The following EPS15 variants were observed in gnomAD, a reference collection of about 807,000 sequenced individuals.
EPS15 encodes epidermal growth factor receptor pathway substrate 15, also known as epidermal growth factor receptor substrate 15.
A neutral mutation model predicts 113.8 loss-of-function variants in EPS15; 72 were observed. That is an observed-to-expected ratio of 0.63 (90% CI 0.52 to 0.77). The LOEUF is 0.77. Among genes scored for constraint, EPS15 ranks in the 30% least tolerant of loss-of-function variants. The pLI, the probability that EPS15 is intolerant of heterozygous loss-of-function variation, is 0.00. For missense variants in EPS15, 1,048 were observed against 1,045.8 expected (o/e 1.00, Z -0.03); for synonymous variants, 344 against 363.4 (o/e 0.95, Z 0.61).
intron 22 of EPS15, among the ~76,000 whole-genome samples, chr1:51,365,100 G>A (rs926674248): frequency 2.6e-5 from 4 of 152,128 alleles, no homozygotes; most frequent in Admixed American, 1.3e-4. Flanking sequence ...TCAAAGTGCT[G>A]GGATAACAGG....
At chr1:51,499,047 G>A (rs1644371894) in intron 1 of EPS15, among the ~76,000 whole-genome samples, 1 of 152,156 alleles carries the variant, frequency 6.6e-6, no homozygotes, top group Admixed American at 6.5e-5. Context: ...TCTACCATAT[G>A]AGGATGCAGC....
chr1:51,431,085 A>G (rs543670025), intron 12 of EPS15, among the ~76,000 whole-genome samples: 174 of 152,212 alleles, frequency 1.1e-3, no homozygotes, highest in African/African-American at 4.0e-3. Flanking sequence ...CATTCTTTCA[A>G]CAAATATTTA....
chr1:51,406,017 C>G lies in EPS15; in HGVS notation c.1565G>C (p.Gly522Ala). 6.2e-7 allele frequency: 1 copy of G among 1,614,122 alleles called. No individual in the cohort carries two copies. The highest frequency in any genetic ancestry group is 8.5e-7 in the Non-Finnish European group (1 of 1,179,996). Residue 522 changes from glycine (G) to alanine (A), a missense_variant, in exon 16 of 25, where the codon GGA becomes GCA. Coordinates refer to ENST00000371733, the MANE Select transcript of EPS15 (RefSeq NM_001981.3). ...CSSPHSILVNGATDYCSLSTS... is the reference protein window; with the variant it reads ...CSSPHSILVNAATDYCSLSTS... The stretch of plus-strand genomic sequence containing the variant: ...GCTGAGGCTGCAATAATCTGTAGCT[C>G]CGTTTACAAGAATGCTGTGTGGGCT...
chr1:51,356,966 G>T, intron 24 of EPS15, 120 bp from the exon 25 acceptor site: 12 of 731,244 alleles, frequency 1.6e-5, no homozygotes, highest in East Asian at 5.8e-5. Flanking sequence ...CTGGTTACTT[G>T]TTAATTCTTT....
intron 1 of EPS15, among the ~76,000 whole-genome samples, chr1:51,504,226 G>T (rs1306250117): frequency 6.6e-6 from 1 of 152,098 alleles, no homozygotes; most frequent in Non-Finnish European, 1.5e-5. Flanking sequence ...GGGCAACATG[G>T]TGAAACCCCA....
chr1:51,406,241 T>G (rs566818726), intron 15 of EPS15, 133 bp from the exon 16 acceptor site: 1 of 719,592 alleles, frequency 1.4e-6, no homozygotes, highest in Admixed American at 2.6e-5. Context: ...TTTGGGAAAC[T>G]GAGGCAGGAG....
At chr1:51,388,371 A>C (rs2148395896) in intron 21 of EPS15, among the ~76,000 whole-genome samples, 1 of 152,368 alleles carries the variant, frequency 6.6e-6, no homozygotes, top group Non-Finnish European at 1.5e-5. Flanking sequence ...CAAAGCAGGA[A>C]AGATCCAAAA....
chr1:51,429,150 G>A (rs781168674), intron 12 of EPS15, among the ~76,000 whole-genome samples: 6 of 152,184 alleles, frequency 3.9e-5, no homozygotes, highest in Admixed American at 6.5e-5. Flanking sequence ...GATTACAGGC[G>A]TGAGCCACCA....
At chr1:51,517,787 TAG>T (rs1268235117) in intron 1 of EPS15, among the ~76,000 whole-genome samples, 2 of 152,068 alleles carry the variant, frequency 1.3e-5, no homozygotes, top group Non-Finnish European at 2.9e-5. Context: ...AACTGGGAAA[TAG>T]ACTTTCCTTA....
rs1026802231 is a variant in EPS15, at chr1:51,354,303, T to A, written c.*2397A>T. 5.6e-6 allele frequency: 1 copy of A among 178,318 alleles called. No individual in the cohort carries two copies. The highest frequency in any genetic ancestry group is 2.4e-5 in the African/African-American group (1 of 42,272). The allele number at this position is 178,318 out of a possible 1,614,324, so 11.0% of individuals were successfully genotyped here. A position where few individuals can be genotyped will look rare whatever the true frequency, so the allele number is the denominator to read the frequency against. On this transcript the variant is annotated 3_prime_UTR_variant, in exon 25 of 25. Transcript: ENST00000371733. ...ATTATTTATTCTATACCAGGTGCTG[T>A]CCCAAACCCTTTACATATATTAATC...
intron 21 of EPS15, among the ~76,000 whole-genome samples, chr1:51,377,330 T>C (rs1389787528): frequency 1.3e-5 from 2 of 152,138 alleles, no homozygotes; most frequent in African/African-American, 4.8e-5. Context: ...GTAAGAGGAC[T>C]TTGAAAGAAG....
At chr1:51,454,473 TG>T (rs1214990544) in intron 8 of EPS15, among the ~76,000 whole-genome samples, 3 of 152,228 alleles carry the variant, frequency 2.0e-5, no homozygotes, top group Non-Finnish European at 4.4e-5. Flanking sequence ...TGATGTCACA[TG>T]GATATCATGT....
chr1:51,435,473 T>A (rs1321402984), intron 12 of EPS15, among the ~76,000 whole-genome samples: 1 of 152,124 alleles, frequency 6.6e-6, no homozygotes, highest in East Asian at 1.9e-4. Context: ...GGATTACAGG[T>A]GTGAGCCACT....
At position 51,402,416 on chromosome 1, in the gene EPS15, T is replaced by TA. The variant is rs761008866; in HGVS notation, c.1882+18dup. 1.2e-4 allele frequency: 167 copies of TA among 1,338,606 alleles called. No individual in the cohort carries two copies. The highest frequency in any genetic ancestry group is 6.8e-4 in the Middle Eastern group (3 of 4,438). 82.9% of individuals were successfully genotyped at this position (1,338,606 alleles called of 1,614,324 possible). A position where few individuals can be genotyped will look rare whatever the true frequency, so the allele number is the denominator to read the frequency against. On this transcript the variant is annotated intron_variant, in intron 18 of 24. Transcript: ENST00000371733. The stretch of plus-strand genomic sequence containing the variant: ...CTTTTTTTTGGGTAAATCTATAATA[T>TA]AAAAAAAAGAGTACTTACTGCCAAC...
intron 1 of EPS15, chr1:51,490,221 CA>C: frequency 2.4e-6 from 1 of 423,576 alleles, no homozygotes. Context: ...CTCTAACACA[CA>C]AAATAAACTG....
rs1380779471 is a variant in EPS15 at position 51,397,726 on chromosome 1, A to C, written c.2052+1306T>G. On this transcript the variant is annotated intron_variant, in intron 20 of 24. Transcript: ENST00000371733. ...CAGCTCTTTACTGAATACAAAAAAG[A>C]AGCAACTTTCAATAATACAAAACCT... Among the ~76,000 whole-genome samples, 4 of 152,332 alleles carry C rather than the reference A, an allele frequency of 2.6e-5. No individual in the cohort carries two copies. The East Asian group carries it at 7.7e-4, about 29-fold the overall frequency.
chr1:51,465,114 C>A, intron 6 of EPS15, 147 bp downstream of exon 6: 1 of 477,706 alleles, frequency 2.1e-6, no homozygotes, highest in Non-Finnish European at 3.7e-6. Context: ...CCGAAAGATC[C>A]CTCAGAAACA....
At chr1:51,371,402 T>C (rs2148361359) in intron 21 of EPS15, among the ~76,000 whole-genome samples, 1 of 152,252 alleles carries the variant, frequency 6.6e-6, no homozygotes, top group Middle Eastern at 3.4e-3. Flanking sequence ...AAGACAGTGA[T>C]ATTGATGGTC....
At chr1:51,422,546 G>T (rs908701714) in intron 12 of EPS15, among the ~76,000 whole-genome samples, 1 of 152,136 alleles carries the variant, frequency 6.6e-6, no homozygotes, top group Non-Finnish European at 1.5e-5. Context: ...AACATGCTGG[G>T]CTCCGCTTTT....
Sources: allele counts gnomAD v4.1 joint callset (sites outside exome capture counted in the v4.1 genomes callset), GRCh38; gene constraint gnomAD v4.1.1; transcripts MANE v1.5; gene names NCBI Gene and HGNC (gene_info 2026-07-23, HGNC 2026-07-21).